The following CDADC1 variants were observed in gnomAD, a reference collection of about 807,000 sequenced individuals.
CDADC1 encodes dCTP deaminase.
Under a neutral mutation model 54.9 loss-of-function variants are expected in CDADC1, and 39 were observed. The ratio of observed to expected loss-of-function variants is 0.71; its 90% confidence interval spans 0.55 to 0.93. The LOEUF (loss-of-function observed/expected upper bound fraction) is 0.93. CDADC1 is among the 40% of genes least tolerant of loss of function. CDADC1 has a pLI of 0.00. For missense variants in CDADC1, 518 were observed against 618.8 expected, an observed-to-expected ratio of 0.84 and a Z score of 1.73; for synonymous variants, 186 against 204.0, an observed-to-expected ratio of 0.91 and a Z score of 0.75.
intron 8 of CDADC1, among the ~76,000 whole-genome samples, chr13:49,285,272 G>A (rs1329732526): frequency 1.3e-5 from 2 of 150,004 alleles, no homozygotes; most frequent in South Asian, 2.1e-4. Flanking sequence ...TCCACCTCCC[G>A]GGTTCTCGCC....
intron 3 of CDADC1, among the ~76,000 whole-genome samples, chr13:49,259,019 T>TTA (rs1467461072): frequency 6.6e-6 from 1 of 152,228 alleles, no homozygotes; most frequent in Non-Finnish European, 1.5e-5. Context: ...GGTACTACAC[T>TTA]TAATCCTATA....
intron 5 of CDADC1, among the ~76,000 whole-genome samples, chr13:49,270,257 C>CT (rs1490463053): frequency 1.8e-4 from 28 of 152,112 alleles, no homozygotes; most frequent in African/African-American, 6.5e-4. Flanking sequence ...GGGTTTTACT[C>CT]TGTTGCCCAG....
intron 8 of CDADC1, among the ~76,000 whole-genome samples, chr13:49,285,019 C>T (rs1953465387): frequency 1.3e-5 from 2 of 152,026 alleles, no homozygotes; most frequent in South Asian, 4.1e-4. Context: ...TCAGGCTTCC[C>T]TATTTATTCC....
intron 3 of CDADC1, among the ~76,000 whole-genome samples, chr13:49,256,952 A>G (rs147475717): frequency 3.9e-5 from 6 of 152,340 alleles, no homozygotes; most frequent in African/African-American, 1.2e-4. Context: ...CCCATGTTTT[A>G]GTGTAAAACT....
chr13:49,256,049 T>C, intron 3 of CDADC1, 136 bp downstream of exon 3: 1 of 1,268,262 alleles, frequency 7.9e-7, no homozygotes, highest in Non-Finnish European at 1.0e-6. Context: ...GTCTGTATAT[T>C]TACAAGACTA....
chr13:49,249,896 A>C (rs1952385892), intron 2 of CDADC1, among the ~76,000 whole-genome samples: 1 of 152,132 alleles, frequency 6.6e-6, no homozygotes, highest in Admixed American at 6.5e-5. Flanking sequence ...CTAGGTTCTC[A>C]TCATTTCTGT....
chr13:49,274,240 A>G lies in CDADC1; in HGVS notation c.1001-51A>G, dbSNP rs779366470. 4 of 1,389,876 alleles carry G rather than the reference A, an allele frequency of 2.9e-6. No individual in the cohort carries two copies. The South Asian group carries it at 3.8e-5, about 13-fold the overall frequency. 86.1% of individuals were successfully genotyped at this position (1,389,876 alleles called of 1,614,324 possible). A position where few individuals can be genotyped will look rare whatever the true frequency, so the allele number is the denominator to read the frequency against. On this transcript the variant is annotated intron_variant, in intron 5 of 9. Coordinates refer to ENST00000251108, the MANE Select transcript of CDADC1 (RefSeq NM_030911.4). ...ATTACTTTTGGAAAAATATATTTCT[A>G]AAACTAACATATCATAATTTTTACT...
chr13:49,282,982 CAT>C (rs1953394365), intron 8 of CDADC1, among the ~76,000 whole-genome samples: 1 of 152,214 alleles, frequency 6.6e-6, no homozygotes, highest in Non-Finnish European at 1.5e-5. Context: ...TGTCCAGAAT[CAT>C]ACATTGTTTC....
At chr13:49,269,004 T>G (rs1340291549) in intron 5 of CDADC1, among the ~76,000 whole-genome samples, 1 of 152,240 alleles carries the variant, frequency 6.6e-6, no homozygotes, top group African/African-American at 2.4e-5. Flanking sequence ...ATGTAAGATT[T>G]CTCAAAGTAG....
At chr13:49,286,724 A>G (rs1021019993) in intron 9 of CDADC1, among the ~76,000 whole-genome samples, 1 of 152,246 alleles carries the variant, frequency 6.6e-6, no homozygotes, top group African/African-American at 2.4e-5. Context: ...GGTAACTTGA[A>G]TAATCTGATT....
rs778421457 is a variant in CDADC1 at position 49,286,246 on chromosome 13, T to C, written c.1435T>C (p.Tyr479His). The change falls in exon 9 of 10, where the codon TAT (tyrosine) becomes CAT (histidine). Residue 479 changes from tyrosine to histidine, a missense_variant. Tyr to His is a moderately conservative substitution (Grantham distance 83). Coordinates refer to ENST00000251108, the MANE Select transcript of CDADC1 (RefSeq NM_030911.4). Reference protein sequence around the residue: ...FTWQLNPSGAYGLEQNEPERR... With the variant: ...FTWQLNPSGAHGLEQNEPERR... Reference sequence around the variant, plus strand: ...GTGGCAGCTGAATCCATCAGGAGCTTATGGTCTTGAACAAAATGAGCCTGA... The same window carrying C: ...GTGGCAGCTGAATCCATCAGGAGCTCATGGTCTTGAACAAAATGAGCCTGA... The C allele has an allele frequency of 1.9e-6, 3 of 1,613,766 alleles. No homozygotes were observed. In the South Asian group the frequency reaches 3.3e-5, roughly 18 times the overall value.
intron 9 of CDADC1, among the ~76,000 whole-genome samples, chr13:49,287,648 A>G (rs1953562726): frequency 6.6e-6 from 1 of 152,168 alleles, no homozygotes; most frequent in Non-Finnish European, 1.5e-5. Context: ...TAATTTATCT[A>G]TGCTACAATG....
chr13:49,283,090 C>T (rs1348499909), intron 8 of CDADC1, among the ~76,000 whole-genome samples: 1 of 152,034 alleles, frequency 6.6e-6, no homozygotes, highest in African/African-American at 2.4e-5. Context: ...ATAAAAGAAC[C>T]GTTTATATAT....
chr13:49,248,491 T>G lies in CDADC1; in HGVS notation c.82+372T>G, dbSNP rs139965432. ...GAAGGTCAGCGCATTTTTCGGGTTG[T>G]GTTCTAATCGCTTTCCTTTTAGCAA... On this transcript the variant is annotated intron_variant, in intron 1 of 9. Transcript: ENST00000251108. 40 of 331,010 alleles carry G rather than the reference T, an allele frequency of 1.2e-4. No homozygotes were observed. The Middle Eastern group carries it at 3.6e-3, about 29-fold the overall frequency. 20.5% of individuals were successfully genotyped at this position (331,010 alleles called of 1,614,324 possible).
intron 8 of CDADC1, among the ~76,000 whole-genome samples, chr13:49,285,424 C>T (rs1273024864): frequency 1.3e-5 from 2 of 152,152 alleles, no homozygotes; most frequent in African/African-American, 4.8e-5. Flanking sequence ...ATCCACCCAC[C>T]TCAGCCTCCC....
chr13:49,274,063 T>TGTGA (rs1953036329), intron 5 of CDADC1, among the ~76,000 whole-genome samples: 1 of 152,200 alleles, frequency 6.6e-6, no homozygotes, highest in Non-Finnish European at 1.5e-5. Flanking sequence ...CATACGTATG[T>TGTGA]GTGACTGAGT....
At chr13:49,269,654 C>T (rs1365325427) in intron 5 of CDADC1, among the ~76,000 whole-genome samples, 2 of 152,212 alleles carry the variant, frequency 1.3e-5, no homozygotes, top group Non-Finnish European at 2.9e-5. Flanking sequence ...TAAATGGGAA[C>T]AGCTGTTGTA....
intron 8 of CDADC1, among the ~76,000 whole-genome samples, chr13:49,281,934 C>T (rs1953351791): frequency 7.5e-6 from 1 of 133,388 alleles, no homozygotes; most frequent in African/African-American, 2.7e-5. Context: ...CCTCCCCCCA[C>T]CCCCCAGTAT....
rs1183347733 is a variant in CDADC1 at position 49,263,704 on chromosome 13, A to C, written c.431-3786A>C. On this transcript the variant is annotated intron_variant, in intron 4 of 9. Coordinates refer to ENST00000251108, the MANE Select transcript of CDADC1 (RefSeq NM_030911.4). The stretch of plus-strand genomic sequence containing the variant: ...AAAACAACATATTGCAACAGATTGA[A>C]AACAGAAGCAAATTTGAGCATCCAG... Among the ~76,000 whole-genome samples the C allele has an allele frequency of 1.2e-4, 18 of 152,350 alleles. 1 individual carries two copies. The South Asian group carries it at 3.7e-3, about 32-fold the overall frequency.
Sources: gnomAD v4.1 joint callset for allele counts (sites outside exome capture counted in the v4.1 genomes callset) on GRCh38, gnomAD v4.1.1 for gene constraint, MANE v1.5 for transcripts, NCBI Gene and HGNC (gene_info 2026-07-23, HGNC 2026-07-21) for gene names.